The following ERC1 variants were observed in gnomAD, a reference collection of about 807,000 sequenced individuals.
ERC1 encodes the protein ELKS/RAB6-interacting/CAST family member 1.
A neutral mutation model predicts 132.0 loss-of-function variants in ERC1; 56 were observed. The ratio of observed to expected loss-of-function variants is 0.42; its 90% CI spans 0.34 to 0.53. The LOEUF is 0.53. Among genes scored for constraint, ERC1 ranks in the 20% least tolerant of loss-of-function variants. The pLI is 0.03. For synonymous variants in ERC1, 478 were observed against 476.1 expected, an observed-to-expected ratio of 1.00 and a Z score of -0.05; for missense variants, 1,202 against 1,349.9, an observed-to-expected ratio of 0.89 and a Z score of 1.72.
chr12:1,211,758 C>T (rs1426477825), intron 12 of ERC1, among the ~76,000 whole-genome samples: 4 of 150,030 alleles, frequency 2.7e-5, no homozygotes, highest in Admixed American at 1.3e-4. Flanking sequence ...TCAGTAGAGA[C>T]ATGGTTTCGT....
intron 18 of ERC1, among the ~76,000 whole-genome samples, chr12:1,465,984 T>A (rs939856576): frequency 2.0e-5 from 3 of 152,124 alleles, no homozygotes; most frequent in African/African-American, 4.8e-5. Flanking sequence ...TGAAGACATA[T>A]CCTGATGTCT....
chr12:1,273,011 A>G (rs16928336), intron 14 of ERC1, among the ~76,000 whole-genome samples: 5,792 of 151,032 alleles, frequency 0.038, 167 homozygotes, highest in East Asian at 0.07. Flanking sequence ...AATATATGCT[A>G]TAAAATCCAG....
chr12:1,021,995 A>G (rs1214055010), intron 1 of ERC1, among the ~76,000 whole-genome samples: 4 of 152,332 alleles, frequency 2.6e-5, no homozygotes, highest in Middle Eastern at 3.4e-3. Context: ...AGTTCTCAAC[A>G]TTACTTATGT....
At chr12:1,379,871 G>A in intron 16 of ERC1, among the ~76,000 whole-genome samples, 1 of 152,132 alleles carries the variant, frequency 6.6e-6, no homozygotes, top group East Asian at 1.9e-4. Context: ...GGAGGGGACA[G>A]CACAGTGATG....
At chr12:1,303,368 G>A (rs955258804) in intron 15 of ERC1, among the ~76,000 whole-genome samples, 8 of 152,202 alleles carry the variant, frequency 5.3e-5, no homozygotes, top group Admixed American at 2.6e-4. Context: ...CGGGCGCCGT[G>A]GCTCACGCCT....
intron 8 of ERC1, among the ~76,000 whole-genome samples, chr12:1,147,355 G>T (rs1405446441): frequency 3.3e-5 from 5 of 152,038 alleles, no homozygotes; most frequent in African/African-American, 9.7e-5. Flanking sequence ...TGCTTTTTTG[G>T]GGTCTATTGA....
At chr12:1,183,096 T>TA (rs1245831238) in intron 10 of ERC1, among the ~76,000 whole-genome samples, 185 bp from the exon 11 acceptor site, 6 of 152,240 alleles carry the variant, frequency 3.9e-5, no homozygotes, top group African/African-American at 1.4e-4. Context: ...GAATCCATCT[T>TA]ATTTGTTAAG....
intron 5 of ERC1, among the ~76,000 whole-genome samples, chr12:1,111,842 A>G (rs148332956): frequency 2.6e-5 from 4 of 152,164 alleles, no homozygotes; most frequent in Non-Finnish European, 4.4e-5. Context: ...CCTGACCTCA[A>G]GTGATCCTCC....
At position 1,264,552 on chromosome 12, in the gene ERC1, T is replaced by C. The variant is rs2077357762; in HGVS notation, c.2619+1387T>C. Among the ~76,000 whole-genome samples, 3 of 151,972 alleles carry C rather than the reference T, an allele frequency of 2.0e-5. 1 individual carries two copies. In the South Asian group the frequency reaches 6.2e-4, roughly 32 times the overall value. On this transcript the variant is annotated intron_variant, in intron 14 of 18. Transcript: ENST00000360905. ...GGTGGCGGGCGCCTGTAGTCCCAGCTACTCGGGAGGCTGAGGCAGGAGAAT... is the reference window on the plus strand; with the variant it reads ...GGTGGCGGGCGCCTGTAGTCCCAGCCACTCGGGAGGCTGAGGCAGGAGAAT...
Position 1,106,222 on chromosome 12 carries a change from A to G in ERC1, c.1161+1398A>G, listed in dbSNP as rs1021922558. On this transcript the variant is annotated intron_variant, in intron 4 of 18. Transcript: ENST00000360905. ...GTTTAAATTAGTTAAAACATGTAAA[A>G]ACACTTTGAACAGGACCTAGCGCAT... Among the ~76,000 whole-genome samples, 105 of 152,326 alleles carry G rather than the reference A, an allele frequency of 6.9e-4. 1 individual carries two copies. The highest frequency in any genetic ancestry group is 2.3e-3 in the African/African-American group (97 of 41,578).
At chr12:1,488,319 G>A (rs567212691) in intron 18 of ERC1, among the ~76,000 whole-genome samples, 12 of 152,056 alleles carry the variant, frequency 7.9e-5, no homozygotes, top group Non-Finnish European at 1.8e-4. Flanking sequence ...CTTGCTGGGT[G>A]ATCTTACCCA....
At chr12:1,394,010 CG>C (rs2090230318) in intron 16 of ERC1, among the ~76,000 whole-genome samples, 12 of 91,360 alleles carry the variant, frequency 1.3e-4, no homozygotes, top group Middle Eastern at 9.3e-3. Context: ...AGTGAGACTC[CG>C]TCTCAAAAAA....
At chr12:1,166,730 G>C (rs1162684107) in intron 8 of ERC1, among the ~76,000 whole-genome samples, 1 of 152,096 alleles carries the variant, frequency 6.6e-6, no homozygotes. Flanking sequence ...GCATTCCTGG[G>C]TAAAGATAGA....
intron 4 of ERC1, among the ~76,000 whole-genome samples, chr12:1,105,672 T>C (rs940620663): frequency 1.3e-5 from 2 of 152,202 alleles, no homozygotes; most frequent in African/African-American, 4.8e-5. Context: ...TTATTAAAAG[T>C]AATACTTTTT....
chr12:1,138,117 T>TAATACATATTATATATAATTATATA (rs1351995861), intron 7 of ERC1, among the ~76,000 whole-genome samples: 114 of 117,052 alleles, frequency 9.7e-4, no homozygotes, highest in Non-Finnish European at 1.7e-3. Flanking sequence ...ATAATTATAT[T>TAATACATATTATATATAATTATATA]TAATACATAT....
intron 1 of ERC1, among the ~76,000 whole-genome samples, chr12:1,016,635 C>CTTTTTTTTTTTTT (rs397967271): frequency 3.1e-5 from 4 of 128,076 alleles, no homozygotes; most frequent in East Asian, 2.2e-4. Context: ...CTTTTCTTTT[C>CTTTTTTTTTTTTT]TTTTTTTTTT....
intron 8 of ERC1, among the ~76,000 whole-genome samples, chr12:1,155,739 G>A (rs563661394): frequency 6.6e-6 from 1 of 152,238 alleles, no homozygotes; most frequent in South Asian, 2.1e-4. Context: ...CCAAAGTGCT[G>A]GGATTACAGG....
chr12:1,348,576 C>T (rs1162383013), intron 15 of ERC1, among the ~76,000 whole-genome samples: 1 of 151,984 alleles, frequency 6.6e-6, no homozygotes, highest in African/African-American at 2.4e-5. Context: ...GCCCATAGTC[C>T]CAATTACTCG....
intron 13 of ERC1, among the ~76,000 whole-genome samples, chr12:1,243,549 A>T (rs1253283453): frequency 6.6e-6 from 1 of 152,264 alleles, no homozygotes; most frequent in Non-Finnish European, 1.5e-5. Context: ...GGAGGCACTC[A>T]CTTCATTAGG....
Sources: allele counts gnomAD v4.1 joint callset (sites outside exome capture counted in the v4.1 genomes callset), GRCh38; gene constraint gnomAD v4.1.1; transcripts MANE v1.5; gene names NCBI Gene and HGNC (gene_info 2026-07-23, HGNC 2026-07-21).